The following DOCK3 variants were observed in gnomAD, a reference collection of about 807,000 sequenced individuals.
DOCK3 encodes the protein dedicator of cytokinesis 3.
DOCK3 carries 60 observed loss-of-function variants against 265.6 expected under a neutral mutation model. The ratio of observed to expected loss-of-function variants is 0.23; its 90% CI spans 0.18 to 0.28. The LOEUF is 0.28. DOCK3 is among the 10% of genes least tolerant of loss of function. The pLI is 1.00. For synonymous variants in DOCK3, 881 were observed against 938.0 expected, an observed-to-expected ratio of 0.94 and a Z score of 1.11; for missense variants, 1,981 against 2,594.3, an observed-to-expected ratio of 0.76 and a Z score of 5.14.
chr3:51,260,988 A>G (rs1343573139), intron 23 of DOCK3, among the ~76,000 whole-genome samples: 1 of 152,114 alleles, frequency 6.6e-6, no homozygotes, highest in African/African-American at 2.4e-5. Context: ...TGTCTCCAAA[A>G]AGAAAAAGAA....
chr3:50,684,481 T>C (rs2034640302), intron 1 of DOCK3, among the ~76,000 whole-genome samples: 2 of 152,258 alleles, frequency 1.3e-5, no homozygotes, highest in African/African-American at 4.8e-5. Context: ...TTTTTTCCCT[T>C]GGCCTTTCTC....
At chr3:50,890,947 T>G (rs2048613609) in intron 4 of DOCK3, among the ~76,000 whole-genome samples, 1 of 152,044 alleles carries the variant, frequency 6.6e-6, no homozygotes, top group African/African-American at 2.4e-5. Flanking sequence ...GGCCTACACG[T>G]TAATAATGGT....
At position 51,260,158 on chromosome 3, in the gene DOCK3, C is replaced by G; in HGVS notation, c.2187C>G (p.Ala729=). 4 of 1,612,386 alleles carry G rather than the reference C, an allele frequency of 2.5e-6. No homozygotes were observed. The highest frequency in any genetic ancestry group is 3.4e-6 in the Non-Finnish European group (4 of 1,179,116). The change falls in exon 23 of 53, where the codon GCC becomes GCG. Residue 729 remains alanine (A), a splice_region_variant and synonymous_variant. Transcript: ENST00000266037. ...RQDHIQEAMR[A]LEYLFKFIVQ... ...ACTTTTTCTCCCACACTTTTCAGGC[C>G]TTGGAGTACCTTTTCAAGTTCATTG...
chr3:51,249,148 G>T (rs1482938206), intron 22 of DOCK3, among the ~76,000 whole-genome samples: 1 of 109,290 alleles, frequency 9.1e-6, no homozygotes, highest in African/African-American at 3.6e-5. Context: ...CCGGGAGGGA[G>T]GTGGGGGGGT....
chr3:50,738,761 C>G (rs756995150), intron 1 of DOCK3, among the ~76,000 whole-genome samples: 5 of 152,060 alleles, frequency 3.3e-5, no homozygotes, highest in Non-Finnish European at 7.4e-5. Flanking sequence ...TTTTTTCTGC[C>G]TTAAATAAAA....
chr3:51,260,057 G>T, intron 22 of DOCK3, 99 bp from the exon 23 acceptor site: 1 of 1,216,288 alleles, frequency 8.2e-7, no homozygotes. Context: ...ACCTGATTTT[G>T]GTATAGAAAC....
chr3:50,897,688 G>A (rs1334382468), intron 4 of DOCK3, among the ~76,000 whole-genome samples: 1 of 149,240 alleles, frequency 6.7e-6, no homozygotes, highest in African/African-American at 2.5e-5. Flanking sequence ...TAGCCTAAAG[G>A]GGTGTAGAAT....
chr3:51,043,290 C>A (rs2080614407), intron 5 of DOCK3, among the ~76,000 whole-genome samples: 1 of 152,122 alleles, frequency 6.6e-6, no homozygotes, highest in Admixed American at 6.6e-5. Context: ...CGCACACCTA[C>A]AACTATCTGA....
intron 9 of DOCK3, among the ~76,000 whole-genome samples, chr3:51,139,413 G>C (rs780779430): frequency 8.5e-5 from 13 of 152,134 alleles, no homozygotes; most frequent in Non-Finnish European, 1.6e-4. Context: ...TATCTCATTT[G>C]CTCCCTCCTG....
chr3:51,205,964 A>C lies in DOCK3; in HGVS notation c.1038-2810A>C, dbSNP rs2089185331. Among the ~76,000 whole-genome samples the C allele has an allele frequency of 2.6e-5, 4 of 152,304 alleles. No individual in the cohort carries two copies. The South Asian group carries it at 8.3e-4, about 32-fold the overall frequency. ...TTGATTTCAAACAATCTTTCCTTTG[A>C]AGCTACCAGGAGTTTCTTTCAAGCA... On this transcript the variant is annotated intron_variant, in intron 12 of 52. Transcript: ENST00000266037.
At chr3:50,981,058 T>G (rs2077671748) in intron 5 of DOCK3, among the ~76,000 whole-genome samples, 2 of 152,190 alleles carry the variant, frequency 1.3e-5, no homozygotes, top group South Asian at 4.1e-4. Flanking sequence ...TTATTATAAG[T>G]TATTCCACAT....
intron 4 of DOCK3, among the ~76,000 whole-genome samples, chr3:50,920,610 T>G (rs1434186026): frequency 6.6e-6 from 1 of 152,232 alleles, no homozygotes; most frequent in Admixed American, 6.5e-5. Flanking sequence ...TTTATCATTT[T>G]TTATTGCATC....
intron 1 of DOCK3, among the ~76,000 whole-genome samples, chr3:50,681,349 G>A (rs1045145932): frequency 7.2e-5 from 11 of 152,184 alleles, no homozygotes; most frequent in Middle Eastern, 3.4e-3. Flanking sequence ...TTAATAGTTT[G>A]TATTTTGAAT....
At chr3:51,098,455 A>T (rs992282687) in intron 9 of DOCK3, among the ~76,000 whole-genome samples, 1 of 152,234 alleles carries the variant, frequency 6.6e-6, no homozygotes, top group African/African-American at 2.4e-5. Context: ...TAATTGAAAT[A>T]GAGGGCTCTC....
At chr3:51,259,455 A>C (rs976309535) in intron 22 of DOCK3, among the ~76,000 whole-genome samples, 1 of 152,080 alleles carries the variant, frequency 6.6e-6, no homozygotes, top group African/African-American at 2.4e-5. Flanking sequence ...AAAGAAAATT[A>C]CTCTGTAAGC....
At chr3:50,803,489 G>A (rs934199700) in intron 2 of DOCK3, among the ~76,000 whole-genome samples, 7 of 152,172 alleles carry the variant, frequency 4.6e-5, no homozygotes, top group Non-Finnish European at 8.8e-5. Context: ...CACAGACACA[G>A]CAACAATCTG....
At chr3:50,760,904 C>T (rs1395766072) in intron 1 of DOCK3, among the ~76,000 whole-genome samples, 1 of 151,972 alleles carries the variant, frequency 6.6e-6, no homozygotes, top group Non-Finnish European at 1.5e-5. Context: ...GCCTCAGCCT[C>T]CTGAGTAGCT....
At chr3:50,784,574 G>A (rs976577572) in intron 2 of DOCK3, among the ~76,000 whole-genome samples, 21 of 152,194 alleles carry the variant, frequency 1.4e-4, no homozygotes, top group South Asian at 1.0e-3. Flanking sequence ...GATGGGAATT[G>A]CATTAAATTT....
At chr3:51,239,574 G>GT (rs1560265802) in intron 21 of DOCK3, among the ~76,000 whole-genome samples, 1 of 146,634 alleles carries the variant, frequency 6.8e-6, no homozygotes, top group African/African-American at 2.5e-5. Flanking sequence ...TTGTTTGTTT[G>GT]TTTTTTGTTT....
Sources: gnomAD v4.1 joint callset for allele counts (sites outside exome capture counted in the v4.1 genomes callset) on GRCh38, gnomAD v4.1.1 for gene constraint, MANE v1.5 for transcripts, NCBI Gene and HGNC (gene_info 2026-07-23, HGNC 2026-07-21) for gene names.